The following CYLD variants were observed in gnomAD, a reference collection of about 807,000 sequenced individuals.
CYLD encodes ubiquitin carboxyl-terminal hydrolase CYLD.
Under a neutral mutation model 104.5 loss-of-function variants are expected in CYLD, and 26 were observed. The observed-to-expected ratio is 0.25, with a 90% CI of 0.18 to 0.35. The LOEUF is 0.35. CYLD is among the 10% of genes least tolerant of loss of function. The pLI, the probability that CYLD is intolerant of heterozygous loss-of-function variation, is 1.00. For synonymous variants in CYLD, 385 were observed against 399.9 expected (o/e 0.96, Z 0.45); for missense variants, 703 against 1,136.1 (o/e 0.62, Z 5.48).
intron 5 of CYLD, among the ~76,000 whole-genome samples, chr16:50,771,199 T>C (rs1485035585): frequency 6.6e-6 from 1 of 152,208 alleles, no homozygotes; most frequent in Non-Finnish European, 1.5e-5. Flanking sequence ...TGACAACCAC[T>C]GATCTGCTTT....
intron 5 of CYLD, among the ~76,000 whole-genome samples, chr16:50,761,364 G>A (rs925942631): frequency 6.6e-6 from 1 of 152,236 alleles, no homozygotes; most frequent in South Asian, 2.1e-4. Context: ...GTTTACAGTT[G>A]TGCAACCATC....
chr16:50,765,279 T>A (rs371166826), intron 5 of CYLD, among the ~76,000 whole-genome samples: 3 of 152,176 alleles, frequency 2.0e-5, no homozygotes, highest in African/African-American at 7.2e-5. Flanking sequence ...ACTTTTTCAT[T>A]ATTATTATAT....
At position 50,742,840 on chromosome 16, in the gene CYLD, A is replaced by G. The variant is rs1006615455; in HGVS notation, c.-125A>G. The G allele has an allele frequency of 1.4e-5, 3 of 207,872 alleles. No homozygotes were observed. The highest frequency in any genetic ancestry group is 8.4e-5 in the African/African-American group (3 of 35,824). The allele number at this position is 207,872 out of a possible 1,614,324, so 12.9% of individuals were successfully genotyped here. ...GTTGAAAGGTGCGCCCTGCTGTGACAGGTATTCTTTCTTTATGTTTTTCTT... is the reference window on the plus strand; with the variant it reads ...GTTGAAAGGTGCGCCCTGCTGTGACGGGTATTCTTTCTTTATGTTTTTCTT... On this transcript the variant is annotated splice_region_variant and 5_prime_UTR_variant, in exon 2 of 19. Transcript: ENST00000427738.
intron 9 of CYLD, among the ~76,000 whole-genome samples, chr16:50,780,387 A>G (rs187890890): frequency 1.3e-5 from 2 of 152,284 alleles, no homozygotes; most frequent in Non-Finnish European, 2.9e-5. Flanking sequence ...TAATAATTAT[A>G]TCACTGGCTT....
chr16:50,743,706 G>T (rs536034795), intron 2 of CYLD, among the ~76,000 whole-genome samples: 9 of 151,998 alleles, frequency 5.9e-5, no homozygotes, highest in Admixed American at 3.9e-4. Flanking sequence ...TTTTTCATTG[G>T]TTGTACAGAA....
chr16:50,783,642 G>A (rs932006675), intron 11 of CYLD, among the ~76,000 whole-genome samples: 1 of 152,146 alleles, frequency 6.6e-6, no homozygotes, highest in Admixed American at 6.5e-5. Flanking sequence ...GGGTTCAAGC[G>A]ATTCTCCTAT....
Position 50,781,233 on chromosome 16 carries a change from A to G in CYLD, c.1519-13A>G. 1 of 1,613,820 alleles carries G rather than the reference A, an allele frequency of 6.2e-7. No individual in the cohort carries two copies. Among genetic ancestry groups the G allele is most frequent in the Non-Finnish European group, 8.5e-7 (1 of 1,179,802 alleles). On this transcript the variant is annotated splice_polypyrimidine_tract_variant and intron_variant, in intron 9 of 18. Coordinates refer to ENST00000427738, the MANE Select transcript of CYLD (RefSeq NM_001378743.1). The stretch of plus-strand genomic sequence containing the variant: ...GGCACGGTATAATGCATATTGAAGC[A>G]TTTCTTTTTCAGGAAGATGAGTGTG...
chr16:50,755,780 T>C (rs535763839), intron 5 of CYLD, among the ~76,000 whole-genome samples: 32 of 152,296 alleles, frequency 2.1e-4, no homozygotes, highest in African/African-American at 7.5e-4. Flanking sequence ...TTCTATATAT[T>C]AGTTCTTTGT....
intron 5 of CYLD, among the ~76,000 whole-genome samples, chr16:50,754,980 CATATATACATATAT>C (rs1475895382): frequency 1.2e-4 from 14 of 112,468 alleles, no homozygotes; most frequent in African/African-American, 5.1e-4. Flanking sequence ...TATATGTATA[CATATATACATATAT>C]ATGTATATAT....
rs386384680 is a variant in CYLD at position 50,782,916 on chromosome 16, ATTTTTTTTTT to A, written c.1826+467_1826+476del. 1.1e-4 allele frequency among the ~76,000 whole-genome samples: 10 copies of A among 87,718 alleles called. No homozygotes were observed. In the South Asian group the frequency reaches 2.5e-3, roughly 22 times the overall value. 57.5% of individuals were successfully genotyped at this position (87,718 alleles called of 152,430 possible). ...TTTTTCCAAAGTGGAACAACTTAAG[ATTTTTTTTTT>A]TTTTTTTTTTTTTTTTGAGACAGAG... is the stretch of plus-strand genomic sequence containing the variant. On this transcript the variant is annotated intron_variant, in intron 11 of 18. Transcript: ENST00000427738.
At chr16:50,784,109 T>C in intron 11 of CYLD, 1 of 495,198 alleles carries the variant, frequency 2.0e-6, no homozygotes, top group Non-Finnish European at 3.7e-6. Flanking sequence ...TTTCTCAGTA[T>C]TATTGGTGTT....
chr16:50,762,749 C>T (rs1049639372), intron 5 of CYLD, among the ~76,000 whole-genome samples: 5 of 152,102 alleles, frequency 3.3e-5, no homozygotes, highest in East Asian at 1.9e-4. Flanking sequence ...ATTTAATTTC[C>T]TTTTGGTAAA....
intron 14 of CYLD, among the ~76,000 whole-genome samples, chr16:50,791,314 A>C (rs920697026): frequency 6.6e-6 from 1 of 152,202 alleles, no homozygotes; most frequent in Non-Finnish European, 1.5e-5. Context: ...TTTTTTTCCT[A>C]ATCACTAGGA....
At chr16:50,787,970 C>T (rs1971020800) in intron 14 of CYLD, 118 bp downstream of exon 14, 1 of 640,404 alleles carries the variant, frequency 1.6e-6, no homozygotes, top group Admixed American at 3.0e-5. Context: ...GTTTAGGGCT[C>T]TTAATAGGCT....
intron 8 of CYLD, among the ~76,000 whole-genome samples, chr16:50,779,191 A>G (rs1427086595): frequency 6.6e-6 from 1 of 152,146 alleles, no homozygotes. Flanking sequence ...TTTCTGAAAT[A>G]AGCAATGAAG....
At chr16:50,781,466 T>C in intron 10 of CYLD, 55 bp downstream of exon 10, 1 of 1,586,754 alleles carries the variant, frequency 6.3e-7, no homozygotes. Context: ...AATTCTAATC[T>C]CATATCATGT....
At position 50,796,714 on chromosome 16, in the gene CYLD, A is replaced by C. The variant is rs1406870242; in HGVS notation, c.*206A>C. ...AGAAGCATTTTGCACTCTAGAAAGT[A>C]TGTTTGTGTTGGTTTTTTAAGAAGT... On this transcript the variant is annotated 3_prime_UTR_variant, in exon 19 of 19. Coordinates refer to ENST00000427738, the MANE Select transcript of CYLD (RefSeq NM_001378743.1). 4 of 580,672 alleles carry C rather than the reference A, an allele frequency of 6.9e-6. No homozygotes were observed. The highest frequency in any genetic ancestry group is 1.2e-5 in the Non-Finnish European group (4 of 324,766). 36.0% of individuals were successfully genotyped at this position (580,672 alleles called of 1,614,324 possible). A position where few individuals can be genotyped will look rare whatever the true frequency, so the allele number is the denominator to read the frequency against.
intron 16 of CYLD, 73 bp from the exon 17 acceptor site, chr16:50,793,473 T>A: frequency 9.6e-7 from 1 of 1,044,446 alleles, no homozygotes; most frequent in Non-Finnish European, 1.5e-6. Context: ...TAACTTTTCT[T>A]TACATCTTCT....
At position 50,776,264 on chromosome 16, in the gene CYLD, A is replaced by C. The variant is rs750868595; in HGVS notation, c.1008A>C (p.Lys336Asn). 1.9e-6 allele frequency: 3 copies of C among 1,612,074 alleles called. No individual in the cohort carries two copies. Among genetic ancestry groups the C allele is most frequent in the Non-Finnish European group, 2.5e-6 (3 of 1,178,392 alleles). ...VGDKGSSSHN[K>N]PKATGSTSDP... ...ACAAAGGTTCATCCAGTCATAATAA[A>C]CCAAAGGCTACAGGTATGGATTAAT... The change falls in exon 7 of 19, where the codon AAA becomes AAC. Residue 336 changes from lysine to asparagine, a missense_variant. Lys to Asn is a moderately conservative substitution (Grantham distance 94). Coordinates refer to ENST00000427738, the MANE Select transcript of CYLD (RefSeq NM_001378743.1).
Sources: gnomAD v4.1 joint callset for allele counts (sites outside exome capture counted in the v4.1 genomes callset) on GRCh38, gnomAD v4.1.1 for gene constraint, MANE v1.5 for transcripts, NCBI Gene and HGNC (gene_info 2026-07-23, HGNC 2026-07-21) for gene names.